MAGI2: variants seen among roughly 807,000 people sequenced by gnomAD.
The protein encoded by MAGI2 is membrane-associated guanylate kinase, WW and PDZ domain-containing protein 2.
A neutral mutation model predicts 133.3 loss-of-function variants in MAGI2; 35 were observed. The ratio of observed to expected loss-of-function variants is 0.26; its 90% confidence interval spans 0.20 to 0.35. MAGI2 has a LOEUF of 0.35. Ranked by LOEUF, MAGI2 falls within the 10% of genes least tolerant of loss-of-function variation. The pLI is 1.00. For missense variants in MAGI2, 1,636 were observed against 1,863.4 expected, an observed-to-expected ratio of 0.88 and a Z score of 2.25; for synonymous variants, 729 against 710.6, an observed-to-expected ratio of 1.03 and a Z score of -0.41.
chr7:79,393,851 G>T (rs1258960652), intron 1 of MAGI2, among the ~76,000 whole-genome samples: 2 of 152,080 alleles, frequency 1.3e-5, no homozygotes, highest in African/African-American at 4.8e-5. Context: ...TCCCTAAAAT[G>T]ACCCAGATGT....
intron 1 of MAGI2, among the ~76,000 whole-genome samples, chr7:79,111,882 T>A (rs1170245818): frequency 6.6e-6 from 1 of 152,026 alleles, no homozygotes; most frequent in Non-Finnish European, 1.5e-5. Flanking sequence ...TTAGCCAGGA[T>A]GGTCTTGATC....
chr7:78,219,324 A>G (rs1788574707), intron 10 of MAGI2, among the ~76,000 whole-genome samples: 1 of 152,106 alleles, frequency 6.6e-6, no homozygotes. Flanking sequence ...TCATTTACTT[A>G]TTCATCATTA....
intron 1 of MAGI2, among the ~76,000 whole-genome samples, chr7:79,008,207 G>A (rs982282147): frequency 6.6e-6 from 1 of 152,024 alleles, no homozygotes; most frequent in African/African-American, 2.4e-5. Flanking sequence ...AGAAGAAACA[G>A]GAAATCTGCA....
chr7:78,079,021 A>G lies in MAGI2; in HGVS notation c.3632T>C (p.Ile1211Thr), dbSNP rs1423653850. ...TCTTCCTCCAGATTTGATGAGTTCT[A>G]TTGCTCTGGCATGTGTCATGTCCCT... Reference protein sequence around the residue: ...STRDMTHARAIELIKSGGRRV... With the variant: ...STRDMTHARATELIKSGGRRV... The change falls in exon 21 of 22, where the codon ATA (isoleucine) becomes ACA (threonine). Residue 1211 changes from isoleucine to threonine, a missense_variant. Around this residue, in one of 5 missense-constraint regions of MAGI2, gnomAD observed 49 missense variants for 103.8 expected, o/e 0.47. Coordinates refer to ENST00000354212, the MANE Select transcript of MAGI2 (RefSeq NM_012301.4). 1 of 1,613,928 alleles carries G rather than the reference A, an allele frequency of 6.2e-7. No homozygotes were observed. The highest frequency in any genetic ancestry group is 8.5e-7 in the Non-Finnish European group (1 of 1,179,920).
chr7:78,470,609 C>G (rs1026619161), intron 6 of MAGI2, among the ~76,000 whole-genome samples: 2 of 151,902 alleles, frequency 1.3e-5, no homozygotes, highest in Admixed American at 6.6e-5. Flanking sequence ...ATGCAGTGAT[C>G]AAAAAACAAC....
chr7:78,629,488 T>C (rs1185797179), intron 2 of MAGI2, among the ~76,000 whole-genome samples: 1 of 152,184 alleles, frequency 6.6e-6, no homozygotes, highest in Non-Finnish European at 1.5e-5. Flanking sequence ...TTTATTTGCC[T>C]CCCTAACTAC....
intron 2 of MAGI2, among the ~76,000 whole-genome samples, chr7:78,834,974 C>A (rs1316956341): frequency 6.6e-6 from 1 of 152,192 alleles, no homozygotes; most frequent in Non-Finnish European, 1.5e-5. Flanking sequence ...TGAGCAGATG[C>A]CAGCACCATG....
intron 21 of MAGI2, chr7:78,034,791 G>A (rs1332307972): frequency 6.6e-6 from 1 of 152,258 alleles, no homozygotes; most frequent in Non-Finnish European, 1.5e-5. Context: ...GCGTCCCAAA[G>A]TGCTGGGATT....
chr7:78,147,808 C>T (rs1563182176), intron 16 of MAGI2, among the ~76,000 whole-genome samples: 1 of 151,946 alleles, frequency 6.6e-6, no homozygotes, highest in Non-Finnish European at 1.5e-5. Context: ...CCAGCCTGGG[C>T]AACATAGGGA....
At chr7:78,487,775 C>A (rs1385516840) in intron 6 of MAGI2, among the ~76,000 whole-genome samples, 1 of 152,052 alleles carries the variant, frequency 6.6e-6, no homozygotes, top group East Asian at 1.9e-4. Context: ...GGAGCCTCTA[C>A]ATTTTTAAAT....
At chr7:78,984,586 T>C (rs1805074272) in intron 2 of MAGI2, among the ~76,000 whole-genome samples, 1 of 151,936 alleles carries the variant, frequency 6.6e-6, no homozygotes, top group Non-Finnish European at 1.5e-5. Context: ...CCTTCAGATA[T>C]AATCACAGCT....
chr7:79,138,172 A>G (rs111287128), intron 1 of MAGI2, among the ~76,000 whole-genome samples: 7,533 of 152,160 alleles, frequency 0.05, 251 homozygotes, highest in Non-Finnish European at 0.075. Flanking sequence ...GAACTGTAAG[A>G]TCGTAAATTT....
intron 2 of MAGI2, among the ~76,000 whole-genome samples, chr7:78,814,295 A>G (rs1271522156): frequency 1.3e-5 from 2 of 152,208 alleles, no homozygotes; most frequent in Non-Finnish European, 1.5e-5. Flanking sequence ...TTATAGCACT[A>G]CAGCACTATA....
At chr7:78,239,954 C>T (rs1443356952) in intron 10 of MAGI2, among the ~76,000 whole-genome samples, 1 of 151,730 alleles carries the variant, frequency 6.6e-6, no homozygotes, top group Non-Finnish European at 1.5e-5. Flanking sequence ...CGTGCACTCC[C>T]ATGTTTATTT....
chr7:78,757,424 G>A (rs1824067282), intron 2 of MAGI2, among the ~76,000 whole-genome samples: 1 of 151,116 alleles, frequency 6.6e-6, no homozygotes, highest in Non-Finnish European at 1.5e-5. Context: ...CCACCTCTTG[G>A]CCCTCTTTCC....
chr7:79,116,613 C>G (rs1819431964), intron 1 of MAGI2, among the ~76,000 whole-genome samples: 1 of 152,116 alleles, frequency 6.6e-6, no homozygotes, highest in Non-Finnish European at 1.5e-5. Flanking sequence ...GGATATGCGT[C>G]CCTCCAAAAC....
chr7:78,236,469 C>G (rs900961694), intron 10 of MAGI2, among the ~76,000 whole-genome samples: 3 of 152,068 alleles, frequency 2.0e-5, no homozygotes, highest in African/African-American at 7.2e-5. Flanking sequence ...ATATGCACGC[C>G]AAGCTCGAGG....
intron 2 of MAGI2, among the ~76,000 whole-genome samples, chr7:78,727,061 T>C (rs6953739): frequency 0.087 from 13,274 of 152,242 alleles, 800 homozygotes; most frequent in African/African-American, 0.16. Flanking sequence ...CAGCAGCTTT[T>C]TCTTGTCAGA....
chr7:79,049,610 ATAAT>A (rs988468187), intron 1 of MAGI2, among the ~76,000 whole-genome samples: 35 of 152,132 alleles, frequency 2.3e-4, no homozygotes, highest in East Asian at 9.6e-4. Context: ...TTTTCTTTAT[ATAAT>A]TAATTAATTT....
Sources: allele counts gnomAD v4.1 joint callset (sites outside exome capture counted in the v4.1 genomes callset), GRCh38; gene constraint gnomAD v4.1.1; regional missense constraint gnomAD v4.1.1; transcripts MANE v1.5; gene names NCBI Gene and HGNC (gene_info 2026-07-23, HGNC 2026-07-21).